Variants in OPHN1 observed in about 807,000 individuals in gnomAD.
OPHN1 encodes the protein oligophrenin-1.
In OPHN1, 11 loss-of-function variants were observed where a neutral mutation model predicts 60.7. That is an observed-to-expected ratio of 0.18 (90% confidence interval 0.11 to 0.30). The LOEUF (loss-of-function observed/expected upper bound fraction) is 0.30. OPHN1 is among the 10% of genes least tolerant of loss of function. OPHN1 has a pLI of 1.00. For missense variants in OPHN1, 449 were observed against 611.0 expected (o/e 0.73, Z 2.80); for synonymous variants, 226 against 222.6 (o/e 1.02, Z -0.14).
chrX:68,317,555 G>A (rs187448461), intron 2 of OPHN1, among the ~76,000 whole-genome samples: 71 of 65,560 alleles, frequency 1.1e-3, no homozygotes, highest in African/African-American at 1.9e-3. Flanking sequence ...AAGAAAGAAA[G>A]AAAGAAAGAA....
chrX:68,169,057 C>G lies in OPHN1; in HGVS notation c.1276+23862G>C, dbSNP rs538626784. ...AGTGCAGGACCAGATGGATTCACAG[C>G]CAAATTCTACCAGAGGTACAAGGAG... On this transcript the variant is annotated intron_variant, in intron 15 of 24. Transcript: ENST00000355520. Among the ~76,000 whole-genome samples, 77 of 111,317 alleles carry G rather than the reference C, an allele frequency of 6.9e-4. No homozygotes were observed. The South Asian group carries it at 0.028, about 40-fold the overall frequency.
In OPHN1 at chrX:68,176,398, G is replaced by T. The variant is rs780389602; in HGVS notation, c.1276+16521C>A. ...GAATTTGAATAGACATTCCTTAAAA[G>T]AAATAAATAGCCCGTGAGCACATGA... On this transcript the variant is annotated intron_variant, in intron 15 of 24. Coordinates refer to ENST00000355520, the MANE Select transcript of OPHN1 (RefSeq NM_002547.3). 3.8e-3 allele frequency among the ~76,000 whole-genome samples: 428 copies of T among 111,535 alleles called. 3 individuals are homozygous for T. The highest frequency in any genetic ancestry group is 0.014 in the African/African-American group (418 of 30,768).
intron 18 of OPHN1, among the ~76,000 whole-genome samples, chrX:68,106,104 AAGAGAG>A (rs35438846): frequency 1.0e-5 from 1 of 96,404 alleles, no homozygotes; most frequent in Admixed American, 1.1e-4. Context: ...AGAGAGAGAG[AAGAGAG>A]AGAGAGAGAG....
At chrX:68,049,748 A>T (rs1316150608) in intron 23 of OPHN1, among the ~76,000 whole-genome samples, 7 of 111,909 alleles carry the variant, frequency 6.3e-5, no homozygotes, top group Admixed American at 4.7e-4. Context: ...TGCCTTCACG[A>T]TCTGGCTCCA....
At chrX:68,108,716 G>A (rs941865859) in intron 18 of OPHN1, among the ~76,000 whole-genome samples, 53 of 111,685 alleles carry the variant, frequency 4.7e-4, no homozygotes, top group African/African-American at 1.6e-3. Flanking sequence ...GTGTTGACAC[G>A]TTAGTTGAAA....
At chrX:68,387,033 CT>C (rs78761574) in intron 2 of OPHN1, among the ~76,000 whole-genome samples, 34,246 of 110,774 alleles carry the variant, frequency 0.31, 7,712 homozygotes, top group African/African-American at 0.8. Context: ...TCTATCACCC[CT>C]GTTCCCAAAT....
At chrX:68,111,794 C>G in intron 18 of OPHN1, 60 bp downstream of exon 18, 1 of 813,813 alleles carries the variant, frequency 1.2e-6, no homozygotes, top group Non-Finnish European at 1.9e-6. Flanking sequence ...TCTGTGTAGT[C>G]CAACCACATG....
At chrX:68,108,004 C>A (rs1196064979) in intron 18 of OPHN1, among the ~76,000 whole-genome samples, 1 of 112,177 alleles carries the variant, frequency 8.9e-6, no homozygotes, top group Non-Finnish European at 1.9e-5. Context: ...CTAATTCTGT[C>A]ATTCCTCCTA....
At chrX:68,377,903 T>G (rs1341838438) in intron 2 of OPHN1, among the ~76,000 whole-genome samples, 5 of 111,872 alleles carry the variant, frequency 4.5e-5, no homozygotes, top group East Asian at 2.8e-4. Context: ...GTGTGCATGT[T>G]TCTTTATAGC....
intron 15 of OPHN1, among the ~76,000 whole-genome samples, chrX:68,136,489 G>A (rs768265939): frequency 4.2e-4 from 46 of 108,564 alleles, no homozygotes; most frequent in African/African-American, 1.4e-3. Context: ...ATTTTTAGTA[G>A]AGACGGGGTT....
chrX:68,289,451 A>G (rs2078060313), intron 3 of OPHN1, among the ~76,000 whole-genome samples: 1 of 112,486 alleles, frequency 8.9e-6, no homozygotes. Context: ...AGTGTTATGC[A>G]CTGTCTTCCA....
At chrX:68,314,760 C>A (rs776909720) in intron 2 of OPHN1, among the ~76,000 whole-genome samples, 9 of 110,249 alleles carry the variant, frequency 8.2e-5, no homozygotes, top group Admixed American at 6.8e-4. Flanking sequence ...CCAAGGCAGG[C>A]GGATCACCTG....
At chrX:68,144,239 A>G (rs1369733154) in intron 15 of OPHN1, among the ~76,000 whole-genome samples, 1 of 109,755 alleles carries the variant, frequency 9.1e-6, no homozygotes, top group Non-Finnish European at 1.9e-5. Flanking sequence ...CATGTTGCCC[A>G]GTCTGGTCTC....
At chrX:68,419,883 T>A (rs764432416) in intron 2 of OPHN1, among the ~76,000 whole-genome samples, 2 of 111,475 alleles carry the variant, frequency 1.8e-5, no homozygotes, top group Admixed American at 1.9e-4. Flanking sequence ...CCTAAAGACG[T>A]AATGAAAAAT....
rs753721454 is a variant in OPHN1 at position 68,262,727 on chromosome X, C to T, written c.384+12011G>A. ...GCTTGAACCCGGGAGGCGGAGGTTG[C>T]GGTGAGCTGAGATCACGTCATTGCA... On this transcript the variant is annotated intron_variant, in intron 5 of 24. Coordinates refer to ENST00000355520, the MANE Select transcript of OPHN1 (RefSeq NM_002547.3). 4.5e-5 allele frequency among the ~76,000 whole-genome samples: 5 copies of T among 111,748 alleles called. No homozygotes were observed. The East Asian group carries it at 8.5e-4, about 19-fold the overall frequency.
At chrX:68,125,960 TACACACACACAC>T (rs111449909) in intron 15 of OPHN1, among the ~76,000 whole-genome samples, 40 of 76,868 alleles carry the variant, frequency 5.2e-4, no homozygotes, top group East Asian at 8.6e-4. Flanking sequence ...TATATATACA[TACACACACACAC>T]ACACACATAT....
In OPHN1 at chrX:68,287,186, A is replaced by AAAG. The variant is rs1452488876; in HGVS notation, c.251-4070_251-4069insCTT. 4.4e-4 allele frequency among the ~76,000 whole-genome samples: 44 copies of AAAG among 100,903 alleles called. 1 individual carries two copies. The highest frequency in any genetic ancestry group is 1.5e-3 in the African/African-American group (42 of 27,546). 87.6% of individuals were successfully genotyped at this position (100,903 alleles called of 115,157 possible). Reference sequence around the variant, plus strand: ...GAAAGAAAGAAAGAAAGAAAGAAAGAAAAGGGAGGGAGGGAGGAGAAGGGG... The same window carrying AAAG: ...GAAAGAAAGAAAGAAAGAAAGAAAGAAAGAAAGGGAGGGAGGGAGGAGAAGGGG... On this transcript the variant is annotated intron_variant, in intron 3 of 24. Coordinates refer to ENST00000355520, the MANE Select transcript of OPHN1 (RefSeq NM_002547.3).
At chrX:68,191,512 C>T (rs760057479) in intron 15 of OPHN1, among the ~76,000 whole-genome samples, 3 of 111,885 alleles carry the variant, frequency 2.7e-5, no homozygotes, top group Non-Finnish European at 5.6e-5. Flanking sequence ...GGTGGACTAA[C>T]TGGTATCAGA....
chrX:68,264,286 C>G (rs2077910266), intron 5 of OPHN1, among the ~76,000 whole-genome samples: 1 of 111,503 alleles, frequency 9.0e-6, no homozygotes, highest in Admixed American at 9.6e-5. Flanking sequence ...AGCTTCTGCA[C>G]AGCAAAAGGA....
Sources: allele counts gnomAD v4.1 joint callset (sites outside exome capture counted in the v4.1 genomes callset), GRCh38; gene constraint gnomAD v4.1.1; transcripts MANE v1.5; gene names NCBI Gene and HGNC (gene_info 2026-07-23, HGNC 2026-07-21).